Variants in CDC42SE2 observed in about 807,000 individuals in gnomAD.
CDC42SE2 encodes CDC42 small effector protein 2.
CDC42SE2 carries 3 observed loss-of-function variants against 11.5 expected under a neutral mutation model. The observed-to-expected ratio is 0.26, with a 90% CI of 0.12 to 0.67. The LOEUF is 0.67. CDC42SE2 is among the 30% of genes least tolerant of loss of function. The pLI is 0.80. For missense variants in CDC42SE2, 82 were observed against 106.8 expected, an observed-to-expected ratio of 0.77 and a Z score of 1.02; for synonymous variants, 33 against 34.8, an observed-to-expected ratio of 0.95 and a Z score of 0.18.
intron 2 of CDC42SE2, among the ~76,000 whole-genome samples, chr5:131,339,621 A>G (rs929756503): frequency 1.3e-5 from 2 of 152,088 alleles, no homozygotes; most frequent in Admixed American, 6.6e-5. Context: ...AGCCTGGCCA[A>G]CATAGTGGAA....
chr5:131,390,044 T>C (rs138676241), intron 4 of CDC42SE2, among the ~76,000 whole-genome samples: 16 of 152,356 alleles, frequency 1.1e-4, no homozygotes, highest in Non-Finnish European at 1.8e-4. Flanking sequence ...CCAATTTTCA[T>C]ATATCTTGCA....
chr5:131,353,078 A>G (rs1198590319), intron 2 of CDC42SE2, among the ~76,000 whole-genome samples: 1 of 151,944 alleles, frequency 6.6e-6, no homozygotes, highest in East Asian at 1.9e-4. Context: ...TGATCCTCCA[A>G]ACTCAGCCTT....
intron 2 of CDC42SE2, among the ~76,000 whole-genome samples, chr5:131,332,234 T>TG (rs1758434992): frequency 6.6e-6 from 1 of 152,192 alleles, no homozygotes; most frequent in Admixed American, 6.5e-5. Context: ...TTTTTGTCCT[T>TG]GCGATAGTTT....
rs1750643666 is a variant in CDC42SE2, at chr5:131,391,257, A to G, written c.*166A>G. On this transcript the variant is annotated 3_prime_UTR_variant, in exon 5 of 5. Transcript: ENST00000505065. ...GCTAAGTGTAGTTTCTGCACTTGGA[A>G]TGTAAGTTTTAGGTTCTTTTCCTTA... 1 of 283,094 alleles carries G rather than the reference A, an allele frequency of 3.5e-6. No homozygotes were observed. The highest frequency in any genetic ancestry group is 2.2e-5 in the African/African-American group (1 of 44,992). The allele number at this position is 283,094 out of a possible 1,614,324, so 17.5% of individuals were successfully genotyped here.
the CDC42SE2 span, among the ~76,000 whole-genome samples, chr5:131,235,742 G>A: frequency 3.3e-5 from 5 of 151,632 alleles, no homozygotes; most frequent in Non-Finnish European, 5.9e-5. Flanking sequence ...CTACAGGCAC[G>A]TGCCACCACA....
chr5:131,292,916 A>AAC (rs1464404090), intron 1 of CDC42SE2, among the ~76,000 whole-genome samples: 1 of 147,442 alleles, frequency 6.8e-6, no homozygotes, highest in African/African-American at 2.6e-5. Flanking sequence ...CAAAAAAAAA[A>AAC]AAAAAAAAAA....
chr5:131,277,072 A>G (rs1036248810), intron 1 of CDC42SE2, among the ~76,000 whole-genome samples: 1 of 152,178 alleles, frequency 6.6e-6, no homozygotes, highest in African/African-American at 2.4e-5. Flanking sequence ...CTGTTTACAT[A>G]CCAAATAAAA....
chr5:131,308,955 T>C (rs1270759441), intron 1 of CDC42SE2, among the ~76,000 whole-genome samples: 2 of 150,350 alleles, frequency 1.3e-5, no homozygotes, highest in Admixed American at 6.6e-5. Context: ...CCTGCCTAAT[T>C]GCCCTGGCCA....
upstream of CDC42SE2, among the ~76,000 whole-genome samples, chr5:131,263,168 C>T (rs1354614178): frequency 1.4e-5 from 2 of 148,122 alleles, no homozygotes; most frequent in African/African-American, 2.5e-5. Flanking sequence ...TTTGAAGGTA[C>T]AACCAACAAG....
the CDC42SE2 span, among the ~76,000 whole-genome samples, chr5:131,213,252 G>C: frequency 6.6e-6 from 1 of 152,154 alleles, no homozygotes; most frequent in Admixed American, 6.5e-5. Flanking sequence ...GAGGGAAAAG[G>C]GGGGAAAGCT....
At chr5:131,312,413 A>C (rs374130436) in intron 1 of CDC42SE2, among the ~76,000 whole-genome samples, 1 of 152,122 alleles carries the variant, frequency 6.6e-6, no homozygotes, top group Admixed American at 6.5e-5. Flanking sequence ...GCCCTGCCCC[A>C]AGAGGTGGAG....
chr5:131,385,279 A>G (rs531670362), intron 3 of CDC42SE2, among the ~76,000 whole-genome samples: 9 of 152,340 alleles, frequency 5.9e-5, no homozygotes, highest in Non-Finnish European at 1.3e-4. Flanking sequence ...ATAAAACTTA[A>G]GCAGTTATTA....
upstream of CDC42SE2, among the ~76,000 whole-genome samples, chr5:131,244,715 TA>T (rs1270774065): frequency 1.3e-5 from 2 of 151,226 alleles, no homozygotes; most frequent in Non-Finnish European, 3.0e-5. Flanking sequence ...TATCTCAAAA[TA>T]AAAAAAAGAG....
At chr5:131,326,746 T>A (rs543463722) in intron 2 of CDC42SE2, among the ~76,000 whole-genome samples, 3 of 152,264 alleles carry the variant, frequency 2.0e-5, no homozygotes, top group African/African-American at 7.2e-5. Flanking sequence ...TTCTTGATAT[T>A]TTTTACCTTA....
intron 1 of CDC42SE2, among the ~76,000 whole-genome samples, chr5:131,283,494 T>G (rs1364122260): frequency 6.6e-6 from 1 of 151,848 alleles, no homozygotes; most frequent in Admixed American, 6.6e-5. Flanking sequence ...CAGTACATCA[T>G]TCTCTTTTTT....
chr5:131,219,410 C>A, the CDC42SE2 span, among the ~76,000 whole-genome samples: 2 of 152,170 alleles, frequency 1.3e-5, no homozygotes, highest in Non-Finnish European at 2.9e-5. Context: ...TGCTTATTCT[C>A]AATGTACCTC....
chr5:131,375,439 T>C (rs1750125416), intron 3 of CDC42SE2, among the ~76,000 whole-genome samples: 1 of 152,216 alleles, frequency 6.6e-6, no homozygotes, highest in Non-Finnish European at 1.5e-5. Context: ...AAAATATCTT[T>C]CCTTTCTGTA....
At chr5:131,318,011 G>A (rs1446942094) in intron 2 of CDC42SE2, among the ~76,000 whole-genome samples, 1 of 152,072 alleles carries the variant, frequency 6.6e-6, no homozygotes, top group Non-Finnish European at 1.5e-5. Flanking sequence ...TTGAGCCCAA[G>A]ATGCCAGGAA....
At chr5:131,366,790 G>C (rs923668229) in intron 3 of CDC42SE2, among the ~76,000 whole-genome samples, 1 of 152,144 alleles carries the variant, frequency 6.6e-6, no homozygotes, top group African/African-American at 2.4e-5. Context: ...TTGGGAGGCT[G>C]AGGCGGGAGC....
Sources: gnomAD v4.1 joint callset for allele counts (sites outside exome capture counted in the v4.1 genomes callset) on GRCh38, gnomAD v4.1.1 for gene constraint, MANE v1.5 for transcripts, NCBI Gene and HGNC (gene_info 2026-07-23, HGNC 2026-07-21) for gene names.